STRN: variants seen among roughly 807,000 people sequenced by gnomAD.
STRN encodes the protein striatin, also known as protein phosphatase 2 regulatory subunit B'''alpha.
A neutral mutation model predicts 96.3 loss-of-function variants in STRN; 53 were observed. That is an observed-to-expected ratio of 0.55 (90% CI 0.44 to 0.69). The LOEUF is 0.69. Among genes scored for constraint, STRN ranks in the 30% least tolerant of loss-of-function variants. The pLI is 0.00. For missense variants in STRN, 987 were observed against 963.9 expected, an observed-to-expected ratio of 1.02 and a Z score of -0.32; for synonymous variants, 428 against 355.9, an observed-to-expected ratio of 1.20 and a Z score of -2.28.
chr2:36,918,366 A>C (rs1017981727), intron 2 of STRN, among the ~76,000 whole-genome samples: 13 of 152,132 alleles, frequency 8.5e-5, no homozygotes, highest in Non-Finnish European at 1.9e-4. Flanking sequence ...CTAGAAGTCA[A>C]AATAGCAACT....
rs1413364237 is a variant in STRN at position 36,892,344 on chromosome 2, C to A, written c.931+1554G>T. 2.6e-5 allele frequency among the ~76,000 whole-genome samples: 4 copies of A among 152,088 alleles called. No individual in the cohort carries two copies. In the East Asian group the frequency reaches 7.7e-4, roughly 29 times the overall value. ...ATGCTCAGTACATGGGTGACAGTATCATTTACACCCTGAACTGCATCATCA... is the reference window on the plus strand; with the variant it reads ...ATGCTCAGTACATGGGTGACAGTATAATTTACACCCTGAACTGCATCATCA... On this transcript the variant is annotated intron_variant, in intron 7 of 17. Transcript: ENST00000263918.
intron 1 of STRN, among the ~76,000 whole-genome samples, chr2:36,949,608 C>T (rs1323926775): frequency 5.9e-5 from 9 of 152,044 alleles, no homozygotes; most frequent in East Asian, 3.8e-4. Context: ...TTTTAAACTA[C>T]GTATTTTACA....
At chr2:36,865,640 C>T (rs1668602297) in intron 12 of STRN, among the ~76,000 whole-genome samples, 1 of 152,110 alleles carries the variant, frequency 6.6e-6, no homozygotes, top group Non-Finnish European at 1.5e-5. Flanking sequence ...CGGCTCACTG[C>T]AACCTCTGCC....
At chr2:36,931,408 A>C (rs1335483827) in intron 1 of STRN, among the ~76,000 whole-genome samples, 2 of 152,234 alleles carry the variant, frequency 1.3e-5, no homozygotes, top group African/African-American at 4.8e-5. Flanking sequence ...TGTACTTCCA[A>C]TCTCGTTAGG....
rs1504 is a variant in STRN, at chr2:36,838,875, T to C, written c.*10581A>G. Among the ~76,000 whole-genome samples the C allele has an allele frequency of 6.6e-6, 1 of 151,940 alleles. No individual in the cohort carries two copies. The highest frequency in any genetic ancestry group is 2.4e-5 in the African/African-American group (1 of 41,372). ...AAATGTGAGATGCAGAGAACGTACA[T>C]GATCCCATTTATTTAAAGCAAACTG... On this transcript the variant is annotated 3_prime_UTR_variant, in exon 18 of 18. Transcript: ENST00000263918.
chr2:36,966,208 G>T, intron 1 of STRN, 22 bp downstream of exon 1: 1 of 1,530,972 alleles, frequency 6.5e-7, no homozygotes. Context: ...GATGAAGACG[G>T]CCAGGCCGGG....
At chr2:36,883,481 A>G (rs552716400) in intron 9 of STRN, among the ~76,000 whole-genome samples, 4 of 152,182 alleles carry the variant, frequency 2.6e-5, no homozygotes, top group Non-Finnish European at 5.9e-5. Flanking sequence ...AAGTATACAC[A>G]TGTGAACCAA....
At chr2:36,915,994 G>C in intron 3 of STRN, 84 bp downstream of exon 3, 1 of 1,210,626 alleles carries the variant, frequency 8.3e-7, no homozygotes, top group Non-Finnish European at 1.2e-6. Flanking sequence ...TAATTAGAAA[G>C]TAACTTACAG....
At chr2:36,850,458 A>G (rs1668191550) in intron 16 of STRN, among the ~76,000 whole-genome samples, 2 of 152,226 alleles carry the variant, frequency 1.3e-5, no homozygotes, top group Non-Finnish European at 2.9e-5. Context: ...CAAATCAATG[A>G]GGACCAACCA....
Position 36,884,017 on chromosome 2 carries a change from A to G in STRN, c.1101T>C (p.Leu367=). 6.9e-7 allele frequency: 1 copy of G among 1,444,548 alleles called. No homozygotes were observed. Among genetic ancestry groups the G allele is most frequent in the Non-Finnish European group, 9.2e-7 (1 of 1,092,774 alleles). 89.5% of individuals were successfully genotyped at this position (1,444,548 alleles called of 1,614,324 possible). A position where few individuals can be genotyped will look rare whatever the true frequency, so the allele number is the denominator to read the frequency against. Residue 367 remains leucine, a synonymous_variant, in exon 9 of 18, where the codon CTT becomes CTC. Transcript: ENST00000263918. ...MLANLRDVDE[L]PSLQPSVGSP... ...AACCCACAGATGGCTGCAATGAAGG[A>G]AGTTCATCAACATCTCTCAAATTAG...
intron 2 of STRN, among the ~76,000 whole-genome samples, chr2:36,921,362 C>G (rs561093830): frequency 1.3e-5 from 2 of 152,258 alleles, no homozygotes; most frequent in Admixed American, 1.3e-4. Flanking sequence ...TCTTCTTCCT[C>G]TGCCTTCTCT....
intron 1 of STRN, among the ~76,000 whole-genome samples, chr2:36,930,277 C>A (rs911635490): frequency 6.6e-6 from 1 of 151,924 alleles, no homozygotes; most frequent in Non-Finnish European, 1.5e-5. Flanking sequence ...ACTAAAAATA[C>A]AAAAATTAGC....
chr2:36,955,623 G>A (rs891769458), intron 1 of STRN, among the ~76,000 whole-genome samples: 2 of 151,768 alleles, frequency 1.3e-5, no homozygotes, highest in East Asian at 1.9e-4. Context: ...TGCCTCAAGC[G>A]TCCTTTCTGA....
intron 10 of STRN, 51 bp from the exon 11 acceptor site, chr2:36,869,780 G>C (rs748648177): frequency 7.3e-7 from 1 of 1,368,128 alleles, no homozygotes; most frequent in Non-Finnish European, 9.6e-7. Context: ...AAGGATAGGG[G>C]AAAAAACTTG....
Position 36,966,344 on chromosome 2 carries a change from C to A in STRN, c.120G>T (p.Ala40=). ...AAAAGDGAAA[A]GAARAQYSLP... is the part of the protein sequence containing the mutation. ...GACTGTACTGGGCTCGGGCCGCCCC[C>A]GCCGCAGCCGCCCCGTCGCCGGCCG... Residue 40 remains alanine, a synonymous_variant, in exon 1 of 18, where the codon GCG becomes GCT. Coordinates refer to ENST00000263918, the MANE Select transcript of STRN (RefSeq NM_003162.4). The A allele has an allele frequency of 6.7e-7, 1 of 1,483,350 alleles. No individual in the cohort carries two copies. Among genetic ancestry groups the A allele is most frequent in the African/African-American group, 1.5e-5 (1 of 68,570 alleles). The allele number at this position is 1,483,350 out of a possible 1,614,324, so 91.9% of individuals were successfully genotyped here. A position where few individuals can be genotyped will look rare whatever the true frequency, so the allele number is the denominator to read the frequency against.
chr2:36,872,865 C>A (rs1011320365), intron 10 of STRN, among the ~76,000 whole-genome samples: 1 of 152,060 alleles, frequency 6.6e-6, no homozygotes, highest in South Asian at 2.1e-4. Context: ...TAAAAAAAAA[C>A]AGACAAAAAA....
At chr2:36,902,806 T>C in intron 4 of STRN, 55 bp from the exon 5 acceptor site, 1 of 1,404,360 alleles carries the variant, frequency 7.1e-7, no homozygotes, top group Non-Finnish European at 9.7e-7. Flanking sequence ...ATTCTATAAT[T>C]TAATATGTAA....
chr2:36,944,923 C>T (rs550575341), intron 1 of STRN, among the ~76,000 whole-genome samples: 1 of 152,256 alleles, frequency 6.6e-6, no homozygotes, highest in East Asian at 1.9e-4. Flanking sequence ...GTGTTAGCAG[C>T]AATATGGGAT....
At chr2:36,857,770 T>A in intron 14 of STRN, 86 bp downstream of exon 14, 1 of 1,151,492 alleles carries the variant, frequency 8.7e-7, no homozygotes, top group Non-Finnish European at 1.2e-6. Flanking sequence ...ATTTAAAGAG[T>A]TCAGGGAATC....
Sources: gnomAD v4.1 joint callset for allele counts (sites outside exome capture counted in the v4.1 genomes callset) on GRCh38, gnomAD v4.1.1 for gene constraint, MANE v1.5 for transcripts, NCBI Gene and HGNC (gene_info 2026-07-23, HGNC 2026-07-21) for gene names.